Variants in NUP205 observed in about 807,000 individuals in gnomAD.
NUP205 encodes nuclear pore complex protein Nup205.
NUP205 carries 76 observed loss-of-function variants against 253.8 expected under a neutral mutation model. The observed-to-expected ratio is 0.30, with a 90% confidence interval of 0.25 to 0.36. The LOEUF (loss-of-function observed/expected upper bound fraction) is 0.36, where lower values mean the gene tolerates loss of function less well. Among genes scored for constraint, NUP205 ranks in the 10% least tolerant of loss-of-function variants. The pLI is 1.00. For synonymous variants in NUP205, 832 were observed against 850.1 expected (o/e 0.98, Z 0.37); for missense variants, 2,162 against 2,425.5 (o/e 0.89, Z 2.28).
chr7:135,587,499 A>G, intron 8 of NUP205, 76 bp from the exon 9 acceptor site: 5 of 771,172 alleles, frequency 6.5e-6, no homozygotes, highest in East Asian at 5.6e-5. Context: ...TCACTTTAAG[A>G]CAGTTGCCTG....
In NUP205 at chr7:135,567,140, ATATATATAT is replaced by A. The variant is rs1805795886; in HGVS notation, c.29-3964_29-3956del. ...TCAGTCTATGTGTGTATATATATAT[ATATATATAT>A]ATATATATATATATATATATATATA... is the stretch of plus-strand genomic sequence containing the variant. On this transcript the variant is annotated intron_variant, in intron 1 of 42. Transcript: ENST00000285968. Among the ~76,000 whole-genome samples, 4 of 41,468 alleles carry A rather than the reference ATATATATAT, an allele frequency of 9.6e-5. No individual in the cohort carries two copies. In the East Asian group the frequency reaches 2.8e-3, roughly 29 times the overall value. 27.2% of individuals were successfully genotyped at this position (41,468 alleles called of 152,430 possible).
At chr7:135,583,225 G>A (rs1350665190) in intron 7 of NUP205, among the ~76,000 whole-genome samples, 1 of 152,178 alleles carries the variant, frequency 6.6e-6, no homozygotes, top group African/African-American at 2.4e-5. Flanking sequence ...AACAGACTAT[G>A]TATTTGGTTT....
chr7:135,591,200 A>G (rs990720130), intron 10 of NUP205, among the ~76,000 whole-genome samples: 4 of 152,184 alleles, frequency 2.6e-5, no homozygotes, highest in African/African-American at 9.6e-5. Context: ...GAGTGGTCTT[A>G]TATTTTGTGA....
At chr7:135,617,026 T>C in intron 25 of NUP205, 64 bp from the exon 26 acceptor site, 1 of 1,234,664 alleles carries the variant, frequency 8.1e-7, no homozygotes, top group Non-Finnish European at 1.1e-6. Flanking sequence ...ATCAACTGAA[T>C]ATGATGGCTT....
intron 42 of NUP205, among the ~76,000 whole-genome samples, chr7:135,646,528 C>T (rs940970292): frequency 1.1e-4 from 17 of 152,172 alleles, no homozygotes; most frequent in African/African-American, 3.6e-4. Flanking sequence ...CACTGCACTC[C>T]AGCCTGGGCA....
chr7:135,558,762 C>T (rs764210275), intron 1 of NUP205, among the ~76,000 whole-genome samples: 1 of 152,074 alleles, frequency 6.6e-6, no homozygotes, highest in Non-Finnish European at 1.5e-5. Context: ...CAGAGCAGTC[C>T]GGAAAAATAA....
chr7:135,605,808 A>G (rs1049542507), intron 19 of NUP205, among the ~76,000 whole-genome samples: 6 of 152,058 alleles, frequency 3.9e-5, no homozygotes, highest in African/African-American at 1.4e-4. Context: ...AAGATCTCGT[A>G]ACATTGACTA....
intron 21 of NUP205, 105 bp downstream of exon 21, chr7:135,607,020 T>C: frequency 7.8e-7 from 1 of 1,287,472 alleles, no homozygotes; most frequent in Non-Finnish European, 1.1e-6. Flanking sequence ...AAAGAAAAAG[T>C]GTAAGAAAGG....
chr7:135,617,513 CT>C, intron 26 of NUP205, 88 bp from the exon 27 acceptor site: 1 of 989,590 alleles, frequency 1.0e-6, no homozygotes. Context: ...ACACCTTTCC[CT>C]TTAGGGCAGT....
At chr7:135,643,859 G>A (rs1035186663) in intron 39 of NUP205, among the ~76,000 whole-genome samples, 1 of 152,180 alleles carries the variant, frequency 6.6e-6, no homozygotes, top group Admixed American at 6.5e-5. Flanking sequence ...GTAGCTTGCT[G>A]CCTTTTCCAT....
intron 15 of NUP205, among the ~76,000 whole-genome samples, chr7:135,599,695 A>C (rs1356788761): frequency 6.6e-6 from 1 of 152,202 alleles, no homozygotes; most frequent in Non-Finnish European, 1.5e-5. Context: ...ATGCAGAGCC[A>C]CACTTCAAGT....
chr7:135,619,641 T>G lies in NUP205; in HGVS notation c.4182T>G (p.Ser1394=). The change falls in exon 29 of 43, where the codon TCT becomes TCG. Residue 1394 remains serine, a synonymous_variant. Transcript: ENST00000285968. ...PLVGFASIGD[S]SLYIILKKLL... ...TGGGTTTTGCTTCTATTGGAGATTC[T>G]TCACTTTACATCATATTGAAGAAAC... The G allele has an allele frequency of 1.2e-6, 2 of 1,614,162 alleles. No individual in the cohort carries two copies. The highest frequency in any genetic ancestry group is 2.2e-5 in the South Asian group (2 of 91,086).
In NUP205 at chr7:135,577,396, T is replaced by A. The variant is rs1372010271; in HGVS notation, c.648+268T>A. Among the ~76,000 whole-genome samples the A allele has an allele frequency of 2.0e-5, 3 of 152,320 alleles. 1 individual carries two copies. Among genetic ancestry groups the A allele is most frequent in the African/African-American group, 7.2e-5 (3 of 41,588 alleles). On this transcript the variant is annotated intron_variant, in intron 5 of 42. Coordinates refer to ENST00000285968, the MANE Select transcript of NUP205 (RefSeq NM_015135.3). ...TCACCTCAAACGTTTATTATTTCTTTGTGTTGGGAACATTCAAAATTCACT... is the reference window on the plus strand; with the variant it reads ...TCACCTCAAACGTTTATTATTTCTTAGTGTTGGGAACATTCAAAATTCACT...
chr7:135,573,723 C>A lies in NUP205; in HGVS notation c.241C>A (p.Gln81Lys). ...AGAGGGAGTCGCCATTCAGGGTCAA[C>A]AGGGAACTCGACTTCTTCCTGAACA... is the stretch of plus-strand genomic sequence containing the variant. ...STEGVAIQGQ[Q>K]GTRLLPEQLI... Residue 81 changes from glutamine (Q) to lysine (K), a missense_variant, in exon 3 of 43, where the codon CAG becomes AAG. Gln to Lys is a moderately conservative substitution (Grantham distance 53, BLOSUM62 1). Around this residue, in one of 5 missense-constraint regions of NUP205, gnomAD observed 109 missense variants for 131.8 expected, o/e 0.83. Coordinates refer to ENST00000285968, the MANE Select transcript of NUP205 (RefSeq NM_015135.3). 1 of 1,613,936 alleles carries A rather than the reference C, an allele frequency of 6.2e-7. No homozygotes were observed. The highest frequency in any genetic ancestry group is 8.5e-7 in the Non-Finnish European group (1 of 1,179,856).
chr7:135,588,976 T>G (rs1410522789), intron 10 of NUP205, among the ~76,000 whole-genome samples: 1 of 150,846 alleles, frequency 6.6e-6, no homozygotes, highest in Non-Finnish European at 1.5e-5. Flanking sequence ...AGCCAAAATT[T>G]GAGACCAGCC....
chr7:135,590,588 A>G (rs997030159), intron 10 of NUP205, among the ~76,000 whole-genome samples: 2 of 150,484 alleles, frequency 1.3e-5, no homozygotes, highest in African/African-American at 4.9e-5. Flanking sequence ...GCTAGAGTGC[A>G]GTGGCGCAAT....
Position 135,616,003 on chromosome 7 carries a change from G to A in NUP205, c.3398G>A (p.Arg1133Gln), listed in dbSNP as rs149252808. 3.4e-5 allele frequency: 55 copies of A among 1,613,638 alleles called. No individual in the cohort carries two copies. Among genetic ancestry groups the A allele is most frequent in the Non-Finnish European group, 4.5e-5 (53 of 1,179,746 alleles). ...AGGGTAACCTCTCTGAATCGTCAGC[G>A]GTCACATACCCAGAGGCTCCTACAC... Reference protein sequence around the residue: ...ELRVTSLNRQRSHTQRLLHLL... With the variant: ...ELRVTSLNRQQSHTQRLLHLL... Residue 1133 changes from arginine (R) to glutamine (Q), a missense_variant, in exon 24 of 43, where the codon CGG becomes CAG. Transcript: ENST00000285968.
intron 35 of NUP205, 82 bp from the exon 36 acceptor site, chr7:135,635,498 TA>T: frequency 1.2e-6 from 1 of 803,300 alleles, no homozygotes. Flanking sequence ...ATAAACAATA[TA>T]AAATATTAGA....
intron 1 of NUP205, among the ~76,000 whole-genome samples, chr7:135,559,151 C>T (rs1039227199): frequency 2.6e-5 from 4 of 152,086 alleles, no homozygotes; most frequent in African/African-American, 9.7e-5. Flanking sequence ...CGTAATGTCC[C>T]CAGAGTTAAA....
Sources: allele counts gnomAD v4.1 joint callset (sites outside exome capture counted in the v4.1 genomes callset), GRCh38; gene constraint gnomAD v4.1.1; regional missense constraint gnomAD v4.1.1; transcripts MANE v1.5; gene names NCBI Gene and HGNC (gene_info 2026-07-23, HGNC 2026-07-21).